The following PRKCE variants were observed in gnomAD, a reference collection of about 807,000 sequenced individuals.
PRKCE encodes the protein protein kinase C epsilon.
PRKCE carries 16 observed loss-of-function variants against 85.4 expected under a neutral mutation model. The ratio of observed to expected loss-of-function variants is 0.19; its 90% CI spans 0.13 to 0.28. The LOEUF is 0.28. Among genes scored for constraint, PRKCE ranks in the 10% least tolerant of loss-of-function variants. The pLI, the probability that PRKCE is intolerant of heterozygous loss-of-function variation, is 1.00. For missense variants in PRKCE, 573 were observed against 975.2 expected (o/e 0.59, Z 5.49); for synonymous variants, 388 against 371.5 (o/e 1.04, Z -0.51).
At chr2:45,696,729 T>G (rs1019168489) in intron 1 of PRKCE, among the ~76,000 whole-genome samples, 1 of 152,216 alleles carries the variant, frequency 6.6e-6, no homozygotes, top group African/African-American at 2.4e-5. Context: ...TCATGGGAAG[T>G]TGAGAATGCT....
chr2:46,034,759 C>T (rs1300107723), intron 10 of PRKCE, among the ~76,000 whole-genome samples: 5 of 152,232 alleles, frequency 3.3e-5, no homozygotes, highest in Non-Finnish European at 7.3e-5. Flanking sequence ...ACTGCTCTGA[C>T]CTCCTTTGGA....
At chr2:46,146,087 C>A (rs1296541569) in intron 12 of PRKCE, among the ~76,000 whole-genome samples, 1 of 152,160 alleles carries the variant, frequency 6.6e-6, no homozygotes, top group Non-Finnish European at 1.5e-5. Context: ...TCACTGTGAA[C>A]CACTCCAATA....
intron 10 of PRKCE, among the ~76,000 whole-genome samples, chr2:46,082,481 A>G (rs1195056898): frequency 6.6e-6 from 1 of 152,108 alleles, no homozygotes; most frequent in African/African-American, 2.4e-5. Flanking sequence ...AATTTTGGAC[A>G]TATTGGGCTT....
intron 2 of PRKCE, among the ~76,000 whole-genome samples, chr2:45,877,122 C>T (rs1694536860): frequency 6.6e-6 from 1 of 152,118 alleles, no homozygotes; most frequent in Non-Finnish European, 1.5e-5. Context: ...GTATAGGATT[C>T]TAAGTAGGGA....
chr2:45,688,057 G>T (rs72799086), intron 1 of PRKCE, among the ~76,000 whole-genome samples: 11,021 of 152,132 alleles, frequency 0.072, 466 homozygotes, highest in East Asian at 0.23. Flanking sequence ...TTTCTCTAGG[G>T]CCATTTTCTT....
chr2:46,143,495 C>T (rs879151598), intron 11 of PRKCE, among the ~76,000 whole-genome samples: 1 of 152,130 alleles, frequency 6.6e-6, no homozygotes, highest in African/African-American at 2.4e-5. Flanking sequence ...CTTTCACGCA[C>T]ATCTCATTAG....
intron 11 of PRKCE, among the ~76,000 whole-genome samples, chr2:46,105,328 C>T (rs1671612588): frequency 6.6e-6 from 1 of 152,124 alleles, no homozygotes; most frequent in African/African-American, 2.4e-5. Flanking sequence ...TATAGCAACC[C>T]TGAGCCCCTG....
intron 10 of PRKCE, among the ~76,000 whole-genome samples, chr2:46,082,203 G>A (rs1669148058): frequency 6.6e-6 from 1 of 152,144 alleles, no homozygotes; most frequent in South Asian, 2.1e-4. Context: ...TAAATGTGGG[G>A]AGCATCAGAA....
intron 2 of PRKCE, among the ~76,000 whole-genome samples, chr2:45,962,542 T>C (rs1701451526): frequency 6.6e-6 from 1 of 152,214 alleles, no homozygotes; most frequent in South Asian, 2.1e-4. Context: ...TGGAAGTTTA[T>C]AGATATGCAG....
At chr2:45,717,361 C>G (rs1468760873) in intron 1 of PRKCE, among the ~76,000 whole-genome samples, 2 of 152,244 alleles carry the variant, frequency 1.3e-5, no homozygotes, top group East Asian at 1.9e-4. Flanking sequence ...TACCCCCTCT[C>G]TCTCAATCAA....
At chr2:46,153,093 T>A (rs749799689) in intron 13 of PRKCE, among the ~76,000 whole-genome samples, 2 of 152,114 alleles carry the variant, frequency 1.3e-5, no homozygotes, top group East Asian at 3.9e-4. Flanking sequence ...ACTTCCAACA[T>A]GCTAGGCATG....
intron 1 of PRKCE, among the ~76,000 whole-genome samples, chr2:45,826,900 C>T (rs1689984204): frequency 6.6e-6 from 1 of 152,220 alleles, no homozygotes; most frequent in Non-Finnish European, 1.5e-5. Context: ...CCACCCCTTC[C>T]CAGCCACCAT....
At chr2:45,747,456 C>G (rs1238939427) in intron 1 of PRKCE, among the ~76,000 whole-genome samples, 2 of 152,202 alleles carry the variant, frequency 1.3e-5, no homozygotes, top group African/African-American at 4.8e-5. Context: ...TGGGATTATA[C>G]AGTATTTGTC....
intron 10 of PRKCE, among the ~76,000 whole-genome samples, chr2:46,021,196 C>T (rs540277677): frequency 6.6e-6 from 1 of 152,238 alleles, no homozygotes; most frequent in South Asian, 2.1e-4. Flanking sequence ...CTGTTGCAGG[C>T]TCATGCTAGG....
intron 1 of PRKCE, among the ~76,000 whole-genome samples, chr2:45,705,855 G>A (rs959934329): frequency 6.6e-6 from 1 of 152,200 alleles, no homozygotes; most frequent in Non-Finnish European, 1.5e-5. Flanking sequence ...TGAAGATAAT[G>A]AGTTTGTCCA....
At chr2:46,117,365 G>A (rs908101047) in intron 11 of PRKCE, among the ~76,000 whole-genome samples, 1 of 152,132 alleles carries the variant, frequency 6.6e-6, no homozygotes, top group African/African-American at 2.4e-5. Context: ...ATCCTGCTTT[G>A]GGAGTAGATC....
intron 14 of PRKCE, among the ~76,000 whole-genome samples, chr2:46,161,122 C>T (rs1034610194): frequency 5.9e-5 from 9 of 152,210 alleles, no homozygotes; most frequent in Non-Finnish European, 1.3e-4. Flanking sequence ...GCCAGGAGGG[C>T]GTAGACTCTA....
chr2:45,746,421 C>T (rs1287837595), intron 1 of PRKCE, among the ~76,000 whole-genome samples: 1 of 152,164 alleles, frequency 6.6e-6, no homozygotes, highest in African/African-American at 2.4e-5. Flanking sequence ...ATAGTGGGTG[C>T]TCAAAATATA....
intron 10 of PRKCE, among the ~76,000 whole-genome samples, chr2:46,040,700 A>G (rs891730099): frequency 6.6e-6 from 1 of 152,222 alleles, no homozygotes; most frequent in African/African-American, 2.4e-5. Flanking sequence ...ATTTTAGAGT[A>G]AAACTAGAAA....
Sources: gnomAD v4.1 joint callset for allele counts (sites outside exome capture counted in the v4.1 genomes callset) on GRCh38, gnomAD v4.1.1 for gene constraint, MANE v1.5 for transcripts, NCBI Gene and HGNC (gene_info 2026-07-23, HGNC 2026-07-21) for gene names.